ASPH: variants seen among roughly 807,000 people sequenced by gnomAD.
ASPH encodes the protein aspartate beta-hydroxylase.
Under a neutral mutation model 118.4 loss-of-function variants are expected in ASPH, and 100 were observed. The ratio of observed to expected loss-of-function variants is 0.84; its 90% CI spans 0.72 to 1.00. The LOEUF (loss-of-function observed/expected upper bound fraction) is 1.00, where lower values mean the gene tolerates loss of function less well. Among genes scored for constraint, ASPH ranks in the 50% least tolerant of loss-of-function variants. ASPH has a pLI of 0.00. For missense variants in ASPH, 920 were observed against 919.5 expected, an observed-to-expected ratio of 1.00 and a Z score of -0.01; for synonymous variants, 315 against 325.6, an observed-to-expected ratio of 0.97 and a Z score of 0.35.
At chr8:61,617,236 G>A (rs1390393110) in intron 14 of ASPH, among the ~76,000 whole-genome samples, 1 of 152,128 alleles carries the variant, frequency 6.6e-6, no homozygotes, top group African/African-American at 2.4e-5. Context: ...TAAGTCTGGG[G>A]CACTCCGGTG....
At chr8:61,633,919 T>C (rs888569682) in intron 12 of ASPH, among the ~76,000 whole-genome samples, 192 bp from the exon 13 acceptor site, 2 of 152,196 alleles carry the variant, frequency 1.3e-5, no homozygotes, top group African/African-American at 2.4e-5. Flanking sequence ...CAAAATGTTG[T>C]GTATTTCTCA....
intron 1 of ASPH, among the ~76,000 whole-genome samples, chr8:61,701,830 C>T (rs1203544736): frequency 1.3e-5 from 2 of 152,120 alleles, no homozygotes; most frequent in Admixed American, 6.5e-5. Context: ...AAATGGCTTA[C>T]CTTCTCACAG....
intron 20 of ASPH, among the ~76,000 whole-genome samples, chr8:61,551,009 A>G (rs1357714420): frequency 2.0e-5 from 3 of 152,180 alleles, no homozygotes; most frequent in Non-Finnish European, 1.5e-5. Context: ...CCTAGGAGGA[A>G]AAACGGTTTA....
chr8:61,689,931 C>A, intron 1 of ASPH: 1 of 1,055,028 alleles, frequency 9.5e-7, no homozygotes, highest in Non-Finnish European at 1.2e-6. Flanking sequence ...GAAGTGCACT[C>A]CCTAACAACA....
intron 3 of ASPH, among the ~76,000 whole-genome samples, chr8:61,668,607 C>G (rs541412018): frequency 4.9e-4 from 75 of 152,270 alleles, no homozygotes; most frequent in African/African-American, 1.7e-3. Context: ...GCTTGGGTCA[C>G]AGATGATCAA....
Position 61,684,087 on chromosome 8 carries a change from A to T in ASPH, c.205T>A (p.Ser69Thr). 1 of 1,613,834 alleles carries T rather than the reference A, an allele frequency of 6.2e-7. No homozygotes were observed. Among genetic ancestry groups the T allele is most frequent in the Non-Finnish European group, 8.5e-7 (1 of 1,179,796 alleles). ...MVIALLGVWT[S>T]VAVVWFDLVD... ...AGATCAAACCAAACGACAGCTACAG[A>T]TGTCCAGACGCCCAGCAATGCAATC... Residue 69 changes from serine to threonine, a missense_variant, in exon 2 of 25, where the codon TCT becomes ACT. By Grantham distance (58) the Ser-to-Thr change is moderately conservative. Transcript: ENST00000379454.
chr8:61,672,331 AAAT>A (rs1822986348), intron 3 of ASPH, among the ~76,000 whole-genome samples: 1 of 152,166 alleles, frequency 6.6e-6, no homozygotes, highest in Non-Finnish European at 1.5e-5. Context: ...CTGAAAGACT[AAAT>A]AAGCAGAAAG....
chr8:61,668,287 T>C (rs1484276671), intron 3 of ASPH: 1 of 1,602,722 alleles, frequency 6.2e-7, no homozygotes, highest in Admixed American at 1.7e-5. Flanking sequence ...TGTTGACATT[T>C]ACAAGATGAA....
At chr8:61,621,583 A>G (rs1397731110) in intron 13 of ASPH, among the ~76,000 whole-genome samples, 1 of 152,228 alleles carries the variant, frequency 6.6e-6, no homozygotes, top group Non-Finnish European at 1.5e-5. Flanking sequence ...ATATACAGGC[A>G]TTGTTCTAAG....
At chr8:61,525,059 C>T (rs564992752) in intron 22 of ASPH, among the ~76,000 whole-genome samples, 12 of 152,260 alleles carry the variant, frequency 7.9e-5, no homozygotes, top group Admixed American at 1.3e-4. Flanking sequence ...TCCCTGAAAA[C>T]ATTACTAAAG....
chr8:61,568,830 G>A (rs1166308358), intron 16 of ASPH, among the ~76,000 whole-genome samples: 1 of 152,202 alleles, frequency 6.6e-6, no homozygotes, highest in Non-Finnish European at 1.5e-5. Context: ...ACATGAGATG[G>A]AAGGAGGTGG....
At chr8:61,519,482 A>G (rs1812163668) in intron 22 of ASPH, among the ~76,000 whole-genome samples, 1 of 152,210 alleles carries the variant, frequency 6.6e-6, no homozygotes, top group African/African-American at 2.4e-5. Context: ...TTCCCCTGTG[A>G]CAGGAAAAAT....
At chr8:61,706,469 A>T (rs1836723900) in intron 1 of ASPH, among the ~76,000 whole-genome samples, 1 of 149,554 alleles carries the variant, frequency 6.7e-6, no homozygotes, top group Non-Finnish European at 1.5e-5. Flanking sequence ...AGGAAGAGGA[A>T]GAAGAAGAAG....
intron 13 of ASPH, among the ~76,000 whole-genome samples, chr8:61,623,212 G>A (rs1851590744): frequency 6.6e-6 from 1 of 152,166 alleles, no homozygotes. Context: ...ATGCTCACCA[G>A]CATTCATTAC....
intron 14 of ASPH, among the ~76,000 whole-genome samples, chr8:61,586,892 A>C (rs761113991): frequency 6.6e-6 from 1 of 152,178 alleles, no homozygotes; most frequent in African/African-American, 2.4e-5. Context: ...CACTGAGCTG[A>C]GCTGAGCTGA....
Position 61,548,116 on chromosome 8 carries a change from C to T in ASPH, c.1719G>A (p.Gln573=), listed in dbSNP as rs1193266707. ...SLYNVNGLKA[Q]PWWTPKETGY... ...CCGTTTCTTTTGGGGTCCACCAAGGCTGTGCTTTCAGTCCATTCACATTGT... is the reference window on the plus strand; with the variant it reads ...CCGTTTCTTTTGGGGTCCACCAAGGTTGTGCTTTCAGTCCATTCACATTGT... The change falls in exon 21 of 25, where the codon CAG becomes CAA. Residue 573 remains glutamine, a synonymous_variant. Coordinates refer to ENST00000379454, the MANE Select transcript of ASPH (RefSeq NM_004318.4). The T allele has an allele frequency of 6.2e-7, 1 of 1,613,978 alleles. No individual in the cohort carries two copies. Among genetic ancestry groups the T allele is most frequent in the South Asian group, 1.1e-5 (1 of 91,070 alleles).
chr8:61,578,862 G>A, intron 15 of ASPH: 1 of 1,612,884 alleles, frequency 6.2e-7, no homozygotes, highest in Non-Finnish European at 8.5e-7. Flanking sequence ...GTCTCGCCTG[G>A]AAGGGCTGAC....
At chr8:61,552,238 A>G (rs1268761876) in intron 20 of ASPH, among the ~76,000 whole-genome samples, 1 of 152,232 alleles carries the variant, frequency 6.6e-6, no homozygotes, top group Non-Finnish European at 1.5e-5. Context: ...GCAGGACAGG[A>G]AAGGAGGGCT....
chr8:61,708,139 G>A (rs1414898797), intron 1 of ASPH, among the ~76,000 whole-genome samples: 2 of 152,034 alleles, frequency 1.3e-5, no homozygotes, highest in Non-Finnish European at 2.9e-5. Context: ...TCAGTACATG[G>A]GCATCCACTG....
Sources: gnomAD v4.1 joint callset for allele counts (sites outside exome capture counted in the v4.1 genomes callset) on GRCh38, gnomAD v4.1.1 for gene constraint, MANE v1.5 for transcripts, NCBI Gene and HGNC (gene_info 2026-07-23, HGNC 2026-07-21) for gene names.